The following SYVN1 variants were observed in gnomAD, a reference collection of about 807,000 sequenced individuals.
SYVN1 encodes the protein synoviolin 1.
A neutral mutation model predicts 62.6 loss-of-function variants in SYVN1; 17 were observed. The ratio of observed to expected loss-of-function variants is 0.27; its 90% CI spans 0.19 to 0.41. The LOEUF (loss-of-function observed/expected upper bound fraction) is 0.41, where lower values mean the gene tolerates loss of function less well. SYVN1 is among the 10% of genes least tolerant of loss of function. SYVN1 has a pLI of 1.00. For synonymous variants in SYVN1, 316 were observed against 304.0 expected, an observed-to-expected ratio of 1.04 and a Z score of -0.41; for missense variants, 634 against 818.0, an observed-to-expected ratio of 0.78 and a Z score of 2.74.
intron 3 of SYVN1, 36 bp from the exon 4 acceptor site, chr11:65,133,110 C>A (rs1443379681): frequency 1.2e-6 from 2 of 1,614,074 alleles, no homozygotes; most frequent in Non-Finnish European, 1.7e-6. Context: ...GGATACCAAA[C>A]ATTCTTTCCC....
Position 65,128,422 on chromosome 11 carries a change from C to T in SYVN1, c.1814G>A (p.Arg605Gln), listed in dbSNP as rs1191163384. 11 of 1,613,840 alleles carry T rather than the reference C, an allele frequency of 6.8e-6. No homozygotes were observed. Among genetic ancestry groups the T allele is most frequent in the Middle Eastern group, 1.7e-4 (1 of 6,020 alleles). ...DGEPDAAELR[R>Q]RRLQKLESPV... ...AGACTCCAGCTTCTGCAGGCGGCGC[C>T]GGCGGAGCTCTGCTGCATCGGGCTC... Residue 605 changes from arginine to glutamine, a missense_variant, in exon 16 of 16, where the codon CGG becomes CAG. Transcript: ENST00000377190.
At chr11:65,132,034 T>C (rs116631661) in intron 6 of SYVN1, among the ~76,000 whole-genome samples, 4 of 152,206 alleles carry the variant, frequency 2.6e-5, no homozygotes, top group South Asian at 2.1e-4. Context: ...GAGCCCCAGG[T>C]TGGGGCTCCT....
chr11:65,130,861 A>G (rs1376370922), intron 10 of SYVN1, 38 bp from the exon 11 acceptor site: 1 of 1,607,388 alleles, frequency 6.2e-7, no homozygotes, highest in Non-Finnish European at 8.5e-7. Flanking sequence ...GCAGGTCCCT[A>G]GGGGCCTGCC....
At position 65,130,131 on chromosome 11, in the gene SYVN1, C is replaced by T; in HGVS notation, c.1279G>A (p.Gly427Ser). The T allele has an allele frequency of 6.2e-7, 1 of 1,610,240 alleles. No individual in the cohort carries two copies. Among genetic ancestry groups the T allele is most frequent in the Non-Finnish European group, 8.5e-7 (1 of 1,177,672 alleles). The change falls in exon 13 of 16, where the codon GGC (glycine) becomes AGC (serine). Residue 427 changes from glycine (G) to serine (S), a missense_variant. By Grantham distance (56) the Gly-to-Ser change is moderately conservative. This residue lies in a region of SYVN1 where 351 missense variants were observed against 373.3 expected (regional missense o/e 0.94). Coordinates refer to ENST00000377190, the MANE Select transcript of SYVN1 (RefSeq NM_172230.3). ...PSGAATTTAA[G>S]TSATAASATA... ...GCAGAAGCAGCAGTAGCACTGGTGC[C>T]AGCAGCTGTGGTTGTAGCTGCTCCA...
intron 6 of SYVN1, among the ~76,000 whole-genome samples, 188 bp from the exon 7 acceptor site, chr11:65,131,784 T>G (rs1451298457): frequency 6.6e-6 from 1 of 152,140 alleles, no homozygotes; most frequent in Non-Finnish European, 1.5e-5. Flanking sequence ...CTCAGTTTAC[T>G]TATCTATAAA....
At chr11:65,130,206 TC>T in intron 12 of SYVN1, 31 bp from the exon 13 acceptor site, 1 of 1,609,324 alleles carries the variant, frequency 6.2e-7, no homozygotes, top group South Asian at 1.1e-5. Context: ...CAGTGAGTGT[TC>T]CATCCCTGCC....
intron 5 of SYVN1, 174 bp downstream of exon 5, chr11:65,132,558 G>T (rs991673325): frequency 1.0e-5 from 9 of 867,236 alleles, no homozygotes; most frequent in Non-Finnish European, 1.8e-6. Flanking sequence ...AGAAGGCAAA[G>T]GGCTGAGGGC....
rs771051056 is a variant in SYVN1 at position 65,128,295 on chromosome 11, C to CAGAG, written c.*83_*86dup. 9.0e-7 allele frequency: 1 copy of CAGAG among 1,116,178 alleles called. No individual in the cohort carries two copies. Among genetic ancestry groups the CAGAG allele is most frequent in the African/African-American group, 1.5e-5 (1 of 65,016 alleles). 69.1% of individuals were successfully genotyped at this position (1,116,178 alleles called of 1,614,324 possible). ...TGGGGGTACTACTCCCTGGTGCAGA[C>CAGAG]AGAGAGGGAGCTGGCACTTGGTGGC... is the stretch of plus-strand genomic sequence containing the variant. On this transcript the variant is annotated 3_prime_UTR_variant, in exon 16 of 16. Transcript: ENST00000377190.
intron 5 of SYVN1, 147 bp downstream of exon 5, chr11:65,132,585 C>A: frequency 1.9e-6 from 2 of 1,038,566 alleles, no homozygotes; most frequent in Non-Finnish European, 3.0e-6. Context: ...AGTTGAGAAG[C>A]CCTAGAGTGG....
intron 14 of SYVN1, 37 bp downstream of exon 14, chr11:65,129,692 C>A: frequency 6.2e-7 from 1 of 1,600,226 alleles, no homozygotes; most frequent in Non-Finnish European, 8.6e-7. Context: ...CACTCCTGAC[C>A]CACCAAACCC....
In SYVN1 at chr11:65,131,366, G is replaced by C; in HGVS notation, c.666C>G (p.Ile222Met). 1 of 1,614,072 alleles carries C rather than the reference G, an allele frequency of 6.2e-7. No homozygotes were observed. The highest frequency in any genetic ancestry group is 8.5e-7 in the Non-Finnish European group (1 of 1,179,970). The change falls in exon 8 of 16, where the codon ATC becomes ATG. Residue 222 changes from isoleucine to methionine, a missense_variant. Transcript: ENST00000377190. Reference protein sequence around the residue: ...MLYTELFTGFIKVLLYMAFMT... With the variant: ...MLYTELFTGFMKVLLYMAFMT... ...TGAAGGCCATGTACAGCAGAACCTTGATGAAGCCTGAGGGGAGGGGATGCA... is the reference window on the plus strand; with the variant it reads ...TGAAGGCCATGTACAGCAGAACCTTCATGAAGCCTGAGGGGAGGGGATGCA...
In SYVN1 at chr11:65,132,739, G is replaced by C; in HGVS notation, c.420C>G (p.Arg140=). 1 of 1,614,168 alleles carries C rather than the reference G, an allele frequency of 6.2e-7. No homozygotes were observed. The highest frequency in any genetic ancestry group is 8.5e-7 in the Non-Finnish European group (1 of 1,180,028). The change falls in exon 5 of 16, where the codon CGC becomes CGG. Residue 140 remains arginine, a synonymous_variant. Coordinates refer to ENST00000377190, the MANE Select transcript of SYVN1 (RefSeq NM_172230.3). ...SPNISWLFHC[R]IVSLMFLLGI... The stretch of plus-strand genomic sequence containing the variant: ...CCCCTGAATCTCACTCACAGACAAT[G>C]CGGCAGTGAAAGAGCCAGGAGATGT...
Position 65,133,062 on chromosome 11 carries a change from G to T in SYVN1, c.238C>A (p.Arg80Ser). The T allele has an allele frequency of 6.2e-7, 1 of 1,614,224 alleles. No homozygotes were observed. The highest frequency in any genetic ancestry group is 8.5e-7 in the Non-Finnish European group (1 of 1,180,036). ...GTCTCTGTGACGGCGTACCAGGAAC[G>T]TTCCAGAAGGTGCTGGGGGCCAGGC... ...RAAEMEHLLE[R>S]SWYAVTETCL... is the part of the protein sequence containing the mutation. The change falls in exon 4 of 16, where the codon CGT becomes AGT. Residue 80 changes from arginine (R) to serine (S), a missense_variant. Physicochemically the swap from Arg to Ser is moderately radical, Grantham distance 110. Around this residue, in one of 2 missense-constraint regions of SYVN1, gnomAD observed 283 missense variants for 444.7 expected, o/e 0.64. Transcript: ENST00000377190.
intron 11 of SYVN1, 33 bp from the exon 12 acceptor site, chr11:65,130,412 C>G: frequency 6.6e-7 from 1 of 1,510,112 alleles, no homozygotes; most frequent in Non-Finnish European, 8.8e-7. Context: ...AGGAAAGGGC[C>G]AAATGGACAC....
At position 65,131,257 on chromosome 11, in the gene SYVN1, G is replaced by A; in HGVS notation, c.758+17C>T. ...CGGGATCAGGTCAGGAGGATCGGGG[G>A]ACAGGGCCGGGCTCACCTCATGGCC... is the stretch of plus-strand genomic sequence containing the variant. On this transcript the variant is annotated intron_variant, in intron 8 of 15. Coordinates refer to ENST00000377190, the MANE Select transcript of SYVN1 (RefSeq NM_172230.3). 1 of 1,613,926 alleles carries A rather than the reference G, an allele frequency of 6.2e-7. No homozygotes were observed. Among genetic ancestry groups the A allele is most frequent in the Non-Finnish European group, 8.5e-7 (1 of 1,179,800 alleles).
Position 65,128,632 on chromosome 11 carries a change from G to T in SYVN1, c.1678C>A (p.Pro560Thr). Residue 560 changes from proline (P) to threonine (T), a missense_variant, in exon 15 of 16, where the codon CCT becomes ACT. This residue lies in a region of SYVN1 where 351 missense variants were observed against 373.3 expected (regional missense o/e 0.94). Transcript: ENST00000377190. ...GTTGGGGTCGTGGCCTCTGAGCTAG[G>T]GATGCTGGTGGAGGAGGCAGCAGCA... ...VVAAASSTSI[P>T]SSEATTPTPG... 1 of 1,614,132 alleles carries T rather than the reference G, an allele frequency of 6.2e-7. No individual in the cohort carries two copies. The highest frequency in any genetic ancestry group is 8.5e-7 in the Non-Finnish European group (1 of 1,180,000).
Position 65,132,699 on chromosome 11 carries a change from G to C in SYVN1, c.427+33C>G, listed in dbSNP as rs372222472. ...GTACAGGTCCACGGTTCACGTTCCAGTCCTCCCTTCCCCTCCCCTGAATCT... is the reference window on the plus strand; with the variant it reads ...GTACAGGTCCACGGTTCACGTTCCACTCCTCCCTTCCCCTCCCCTGAATCT... On this transcript the variant is annotated intron_variant, in intron 5 of 15. Transcript: ENST00000377190. The C allele has an allele frequency of 3.3e-5, 53 of 1,612,568 alleles. No homozygotes were observed. In the African/African-American group the frequency reaches 6.8e-4, roughly 21 times the overall value.
intron 10 of SYVN1, 42 bp downstream of exon 10, chr11:65,130,878 G>T: frequency 1.9e-6 from 3 of 1,611,926 alleles, no homozygotes; most frequent in Non-Finnish European, 2.5e-6. Flanking sequence ...TGCCTTCTGG[G>T]GCCTGTGCCC....
In SYVN1 at chr11:65,133,076, TG is replaced by T; in HGVS notation, c.226-3del. On this transcript the variant is annotated splice_region_variant and splice_polypyrimidine_tract_variant and intron_variant, in intron 3 of 15. Coordinates refer to ENST00000377190, the MANE Select transcript of SYVN1 (RefSeq NM_172230.3). ...GTACCAGGAACGTTCCAGAAGGTGC[TG>T]GGGGCCAGGCAGGGAATAATGTGGA... The T allele has an allele frequency of 6.2e-7, 1 of 1,614,188 alleles. No homozygotes were observed. Among genetic ancestry groups the T allele is most frequent in the South Asian group, 1.1e-5 (1 of 91,084 alleles).
Sources: allele counts gnomAD v4.1 joint callset (sites outside exome capture counted in the v4.1 genomes callset), GRCh38; gene constraint gnomAD v4.1.1; regional missense constraint gnomAD v4.1.1; transcripts MANE v1.5; gene names NCBI Gene and HGNC (gene_info 2026-07-23, HGNC 2026-07-21).